Variants in DDX6 observed in about 807,000 individuals in gnomAD.
The protein encoded by DDX6 is probable ATP-dependent RNA helicase DDX6.
In DDX6, 7 loss-of-function variants were observed where a neutral mutation model predicts 60.6. That is an observed-to-expected ratio of 0.12 (90% CI 0.07 to 0.22). The LOEUF (loss-of-function observed/expected upper bound fraction) is 0.22, where lower values mean the gene tolerates loss of function less well. Ranked by LOEUF, DDX6 falls within the 10% of genes least tolerant of loss-of-function variation. The pLI, the probability that DDX6 is intolerant of heterozygous loss-of-function variation, is 1.00. For missense variants in DDX6, 270 were observed against 589.9 expected (o/e 0.46, Z 5.62); for synonymous variants, 207 against 201.0 (o/e 1.03, Z -0.25).
chr11:118,776,591 T>C (rs1273617720), intron 4 of DDX6, among the ~76,000 whole-genome samples: 1 of 152,140 alleles, frequency 6.6e-6, no homozygotes, highest in Admixed American at 6.5e-5. Flanking sequence ...TCCCAACACT[T>C]TGGGAGACTG....
intron 2 of DDX6, among the ~76,000 whole-genome samples, chr11:118,785,110 T>G (rs909660931): frequency 9.9e-5 from 15 of 152,112 alleles, no homozygotes; most frequent in Admixed American, 8.5e-4. Flanking sequence ...TCAACTGGAG[T>G]CAAGAATCTT....
Position 118,768,212 on chromosome 11 carries a change from A to AAAAG in DDX6, c.499+10_499+11insCTTT, listed in dbSNP as rs1861419936. On this transcript the variant is annotated intron_variant, in intron 5 of 13. Coordinates refer to ENST00000534980, the MANE Select transcript of DDX6 (RefSeq NM_004397.6). ...ATTTTTAGTTTAAAAACAAACTTTT[A>AAAAG]TTCAACTAACCTTGTATATTGTCCT... The AAAAG allele has an allele frequency of 1.2e-6, 2 of 1,609,682 alleles. No individual in the cohort carries two copies. The highest frequency in any genetic ancestry group is 2.7e-5 in the African/African-American group (2 of 74,850).
chr11:118,756,727 A>G (rs1461872907), intron 10 of DDX6, among the ~76,000 whole-genome samples: 2 of 152,222 alleles, frequency 1.3e-5, no homozygotes, highest in African/African-American at 4.8e-5. Context: ...TTGTGTCTGT[A>G]CTTCCAATTC....
chr11:118,761,365 C>G (rs1235317870), intron 7 of DDX6, among the ~76,000 whole-genome samples: 1 of 152,202 alleles, frequency 6.6e-6, no homozygotes, highest in Non-Finnish European at 1.5e-5. Context: ...GCCTGTAATC[C>G]CAGCACTCTG....
rs1435796768 is a variant in DDX6, at chr11:118,749,672, G to A, written c.*2433C>T. 1 of 152,622 alleles carries A rather than the reference G, an allele frequency of 6.6e-6. No individual in the cohort carries two copies. The highest frequency in any genetic ancestry group is 1.9e-4 in the East Asian group (1 of 5,202). 9.5% of individuals were successfully genotyped at this position (152,622 alleles called of 1,614,324 possible). A position where few individuals can be genotyped will look rare whatever the true frequency, so the allele number is the denominator to read the frequency against. ...ACGTTCTCTAGCGAGATACAGAATT[G>A]CATTTATACTCTTTTCTTCTACATG... On this transcript the variant is annotated 3_prime_UTR_variant, in exon 14 of 14. Transcript: ENST00000534980.
chr11:118,757,789 G>C (rs1052546639), intron 9 of DDX6, among the ~76,000 whole-genome samples: 6 of 151,978 alleles, frequency 3.9e-5, no homozygotes, highest in Non-Finnish European at 5.9e-5. Context: ...CAGGGTTTCA[G>C]CCTGTTGGTC....
rs531997663 is a variant in DDX6, at chr11:118,765,771, C to A, written c.500-416G>T. Among the ~76,000 whole-genome samples, 22 of 118,084 alleles carry A rather than the reference C, an allele frequency of 1.9e-4. No homozygotes were observed. The South Asian group carries it at 6.0e-3, about 32-fold the overall frequency. The allele number at this position is 118,084 out of a possible 152,430, so 77.5% of individuals were successfully genotyped here. ...CCTGGGCGACAGAGTGAGACTCAGT[C>A]TCAAAAGAAAGAAAGAAAAAAAAAA... On this transcript the variant is annotated intron_variant, in intron 5 of 13. Transcript: ENST00000534980.
intron 2 of DDX6, among the ~76,000 whole-genome samples, chr11:118,783,707 C>A (rs924221273): frequency 1.4e-5 from 2 of 145,172 alleles, no homozygotes; most frequent in African/African-American, 5.1e-5. Flanking sequence ...GAGGCAGAGG[C>A]AGGAGAATGG....
chr11:118,762,275 A>AG (rs1279519740), intron 7 of DDX6, among the ~76,000 whole-genome samples: 3 of 135,904 alleles, frequency 2.2e-5, no homozygotes, highest in Non-Finnish European at 3.2e-5. Context: ...GTCTGTCTCA[A>AG]AAAAAAAAAA....
intron 6 of DDX6, among the ~76,000 whole-genome samples, chr11:118,764,741 T>C (rs1399637696): frequency 4.6e-5 from 7 of 150,786 alleles, no homozygotes; most frequent in Non-Finnish European, 7.4e-5. Context: ...GAGGCGGAGA[T>C]TGCAGTGAGT....
chr11:118,773,892 A>C (rs949847488), intron 4 of DDX6, among the ~76,000 whole-genome samples: 4 of 152,176 alleles, frequency 2.6e-5, no homozygotes. Context: ...AACAAACAAA[A>C]AAAACCTTTG....
chr11:118,767,076 A>G (rs1186188495), intron 5 of DDX6, among the ~76,000 whole-genome samples: 4 of 151,726 alleles, frequency 2.6e-5, no homozygotes, highest in Non-Finnish European at 4.4e-5. Context: ...TAGTAGAGAC[A>G]GGGTTTTACC....
In DDX6 at chr11:118,749,358, GAAAAAAAAAAAAA is replaced by G. The variant is rs386375042; in HGVS notation, c.*2734_*2746del. ...TTATTATGAGGGCCCAAAAAAGAAAGAAAAAAAAAAAAAAAAAAAAAAAGACCAGGCTTTGACC... is the reference window on the plus strand; with the variant it reads ...TTATTATGAGGGCCCAAAAAAGAAAGAAAAAAAAAAGACCAGGCTTTGACC... On this transcript the variant is annotated 3_prime_UTR_variant, in exon 14 of 14. Coordinates refer to ENST00000534980, the MANE Select transcript of DDX6 (RefSeq NM_004397.6). The G allele has an allele frequency of 8.7e-5, 8 of 91,796 alleles. No homozygotes were observed. The highest frequency in any genetic ancestry group is 2.8e-4 in the Admixed American group (2 of 7,166). 5.7% of individuals were successfully genotyped at this position (91,796 alleles called of 1,614,324 possible).
At chr11:118,754,121 C>CTACAAAACTG (rs1284465549) in intron 13 of DDX6, among the ~76,000 whole-genome samples, 3 of 151,976 alleles carry the variant, frequency 2.0e-5, no homozygotes, top group Non-Finnish European at 1.5e-5. Flanking sequence ...AAAATCCCCC[C>CTACAAAACTG]TACAAAACTG....
rs1198181502 is a variant in DDX6, at chr11:118,751,311, G to A, written c.*794C>T. 1 of 151,752 alleles carries A rather than the reference G, an allele frequency of 6.6e-6. No homozygotes were observed. Among genetic ancestry groups the A allele is most frequent in the Non-Finnish European group, 1.5e-5 (1 of 67,976 alleles). 9.4% of individuals were successfully genotyped at this position (151,752 alleles called of 1,614,324 possible). A position where few individuals can be genotyped will look rare whatever the true frequency, so the allele number is the denominator to read the frequency against. On this transcript the variant is annotated 3_prime_UTR_variant, in exon 14 of 14. Transcript: ENST00000534980. Reference sequence around the variant, plus strand: ...CAATGATAGACTGCTCTTTCCTTTGGGAGCGATGATGTTTTTTATCTACTC... The same window carrying A: ...CAATGATAGACTGCTCTTTCCTTTGAGAGCGATGATGTTTTTTATCTACTC...
intron 6 of DDX6, 134 bp downstream of exon 6, chr11:118,765,075 T>A: frequency 3.0e-6 from 3 of 1,007,772 alleles, no homozygotes; most frequent in Non-Finnish European, 4.4e-6. Context: ...TTCGCTTGAA[T>A]GCAGTGGTCA....
At position 118,763,242 on chromosome 11, in the gene DDX6, A is replaced by C. The variant is rs370336685; in HGVS notation, c.711T>G (p.Val237=). The change falls in exon 7 of 14, where the codon GTT becomes GTG. Residue 237 remains valine, a synonymous_variant. Transcript: ENST00000534980. The stretch of plus-strand genomic sequence containing the variant: ...CCAATACTATCATCTGGACATGATC[A>C]ACCTTTGCTACTCCTTTCTTAATAA... ...LDLIKKGVAK[V]DHVQMIVLDE... is the part of the protein sequence containing the mutation. 1.8e-5 allele frequency: 29 copies of C among 1,611,200 alleles called. No homozygotes were observed. The highest frequency in any genetic ancestry group is 2.4e-5 in the Non-Finnish European group (28 of 1,178,876).
At chr11:118,755,327 C>G in intron 12 of DDX6, 75 bp downstream of exon 12, 1 of 875,170 alleles carries the variant, frequency 1.1e-6, no homozygotes. Flanking sequence ...CTCTATTTCA[C>G]AAAAGAACAA....
In DDX6 at chr11:118,784,676, C is replaced by G. The variant is rs1219966709; in HGVS notation, c.200+1376G>C. ...GTTTCACCATGTTGGTCAGGCTGGC[C>G]TCAAACTTTTGACCTCGTGATCTAC... On this transcript the variant is annotated intron_variant, in intron 2 of 13. Transcript: ENST00000534980. Among the ~76,000 whole-genome samples, 3 of 151,998 alleles carry G rather than the reference C, an allele frequency of 2.0e-5. No individual in the cohort carries two copies. In the East Asian group the frequency reaches 5.8e-4, roughly 29 times the overall value.
Sources: gnomAD v4.1 joint callset for allele counts (sites outside exome capture counted in the v4.1 genomes callset) on GRCh38, gnomAD v4.1.1 for gene constraint, MANE v1.5 for transcripts, NCBI Gene and HGNC (gene_info 2026-07-23, HGNC 2026-07-21) for gene names.